HEATR6: variants seen among roughly 807,000 people sequenced by gnomAD.
HEATR6 encodes the protein HEAT repeat-containing protein 6.
A neutral mutation model predicts 132.8 loss-of-function variants in HEATR6; 106 were observed. The ratio of observed to expected loss-of-function variants is 0.80; its 90% CI spans 0.68 to 0.94. The LOEUF (loss-of-function observed/expected upper bound fraction) is 0.94, where lower values mean the gene tolerates loss of function less well. Among genes scored for constraint, HEATR6 ranks in the 40% least tolerant of loss-of-function variants. The pLI, the probability that HEATR6 is intolerant of heterozygous loss-of-function variation, is 0.00. For missense variants in HEATR6, 1,339 were observed against 1,425.1 expected, an observed-to-expected ratio of 0.94 and a Z score of 0.97; for synonymous variants, 529 against 537.8, an observed-to-expected ratio of 0.98 and a Z score of 0.23.
At chr17:60,074,016 G>A in intron 2 of HEATR6, 130 bp from the exon 3 acceptor site, 2 of 1,415,022 alleles carry the variant, frequency 1.4e-6, no homozygotes, top group South Asian at 1.7e-5. Context: ...TGTGTCAAAA[G>A]GATCACCTCT....
intron 2 of HEATR6, among the ~76,000 whole-genome samples, chr17:60,075,170 C>T (rs1389154040): frequency 6.6e-6 from 1 of 152,204 alleles, no homozygotes; most frequent in Non-Finnish European, 1.5e-5. Context: ...TAATTAGCTT[C>T]TGCTGAACAG....
chr17:60,051,467 G>C (rs992729415), intron 14 of HEATR6, among the ~76,000 whole-genome samples: 1 of 152,212 alleles, frequency 6.6e-6, no homozygotes, highest in African/African-American at 2.4e-5. Flanking sequence ...CAAATCAGTT[G>C]ACAGTCGGCT....
At chr17:60,075,116 G>A (rs987385158) in intron 2 of HEATR6, among the ~76,000 whole-genome samples, 1 of 152,296 alleles carries the variant, frequency 6.6e-6, no homozygotes, top group East Asian at 1.9e-4. Flanking sequence ...CATGGGACAC[G>A]TTTCCTTACT....
intron 18 of HEATR6, 29 bp from the exon 19 acceptor site, chr17:60,046,258 C>G (rs1906363848): frequency 6.5e-7 from 1 of 1,546,268 alleles, no homozygotes; most frequent in Admixed American, 1.9e-5. Context: ...CTTTAGAAAT[C>G]TGTTTGGCCA....
In HEATR6 at chr17:60,070,758, C is replaced by T; in HGVS notation, c.749G>A (p.Arg250Lys). The T allele has an allele frequency of 6.2e-7, 1 of 1,610,932 alleles. No individual in the cohort carries two copies. Among genetic ancestry groups the T allele is most frequent in the Non-Finnish European group, 8.5e-7 (1 of 1,177,192 alleles). ...KGIQSLLNGG[R>K]MKLTQTDELG... ...TTCATCAGTCTGTGTTAGTTTCATTCTCCCACCATTTAGAAGTGACTGTAT... is the reference window on the plus strand; with the variant it reads ...TTCATCAGTCTGTGTTAGTTTCATTTTCCCACCATTTAGAAGTGACTGTAT... The change falls in exon 6 of 20, where the codon AGA becomes AAA. Residue 250 changes from arginine (R) to lysine (K), a missense_variant. Coordinates refer to ENST00000184956, the MANE Select transcript of HEATR6 (RefSeq NM_022070.5).
rs1245647404 is a variant in HEATR6 at position 60,044,013 on chromosome 17, C to G, written c.3096G>C (p.Gln1032His). ...GAGCATACTGGTCAACAGACCCGTA[C>G]TGCTCTCTCTTCCCCGGGACGGAAA... ...AALSVPGKREQYGSVDQYARI... is the reference protein window; with the variant it reads ...AALSVPGKREHYGSVDQYARI... Residue 1032 changes from glutamine (Q) to histidine (H), a missense_variant, in exon 20 of 20, where the codon CAG becomes CAC. By Grantham distance (24) the Gln-to-His change is conservative (BLOSUM62 0). Transcript: ENST00000184956. 6.2e-7 allele frequency: 1 copy of G among 1,614,158 alleles called. No homozygotes were observed. The highest frequency in any genetic ancestry group is 8.5e-7 in the Non-Finnish European group (1 of 1,180,024).
intron 1 of HEATR6, among the ~76,000 whole-genome samples, chr17:60,077,999 AC>A (rs2083304753): frequency 6.6e-6 from 1 of 152,176 alleles, no homozygotes; most frequent in Non-Finnish European, 1.5e-5. Context: ...GGTGGGATGG[AC>A]TGGGGACGGG....
chr17:60,078,294 C>T (rs2083306508), intron 1 of HEATR6, among the ~76,000 whole-genome samples: 1 of 152,150 alleles, frequency 6.6e-6, no homozygotes, highest in African/African-American at 2.4e-5. Flanking sequence ...CATTAGCAAA[C>T]AAGCCCTAAT....
At chr17:60,078,269 G>A (rs769140802) in intron 1 of HEATR6, among the ~76,000 whole-genome samples, 1 of 152,128 alleles carries the variant, frequency 6.6e-6, no homozygotes, top group Non-Finnish European at 1.5e-5. Context: ...GTATTTTTAC[G>A]AGCTTCAGTA....
intron 11 of HEATR6, 72 bp from the exon 12 acceptor site, chr17:60,057,475 G>T: frequency 9.6e-7 from 1 of 1,045,960 alleles, no homozygotes; most frequent in Non-Finnish European, 1.4e-6. Context: ...ATCCCAGCAG[G>T]CAATTAAAAA....
At chr17:60,074,227 A>G (rs1478320961) in intron 2 of HEATR6, 1 of 582,234 alleles carries the variant, frequency 1.7e-6, no homozygotes, top group Admixed American at 5.7e-5. Context: ...TACATAATAA[A>G]CACTCAATGA....
In HEATR6 at chr17:60,041,223, T is replaced by C. The variant is rs748457136; in HGVS notation, c.*2340A>G. On this transcript the variant is annotated 3_prime_UTR_variant, in exon 20 of 20. Transcript: ENST00000184956. ...AGTTTCTAGAGGTGCTATGCCTTCA[T>C]TGTTTTCCTGCACATGAACATTAAC... Among the ~76,000 whole-genome samples the C allele has an allele frequency of 6.6e-6, 1 of 152,238 alleles. No homozygotes were observed. The highest frequency in any genetic ancestry group is 1.5e-5 in the Non-Finnish European group (1 of 68,046).
chr17:60,044,107 T>C lies in HEATR6; in HGVS notation c.3002A>G (p.Tyr1001Cys). The change falls in exon 20 of 20, where the codon TAC becomes TGC. Residue 1001 changes from tyrosine to cysteine, a missense_variant. Physicochemically the swap from Tyr to Cys is radical, Grantham distance 194. Transcript: ENST00000184956. Reference sequence around the variant, plus strand: ...TGTCACGACCGATGTCAGGGCATTGTAGGCCTGGGAGGTCCATGGGGCTGT... The same window carrying C: ...TGTCACGACCGATGTCAGGGCATTGCAGGCCTGGGAGGTCCATGGGGCTGT... ...LGTAPWTSQAYNALTSVVTSC... is the reference protein window; with the variant it reads ...LGTAPWTSQACNALTSVVTSC... The C allele has an allele frequency of 6.2e-7, 1 of 1,612,658 alleles. No individual in the cohort carries two copies. The highest frequency in any genetic ancestry group is 8.5e-7 in the Non-Finnish European group (1 of 1,179,216).
Position 60,059,523 on chromosome 17 carries a change from T to A in HEATR6, c.1624-2A>T. On this transcript the variant is annotated splice_acceptor_variant, in intron 10 of 19. Transcript: ENST00000184956. LOFTEE classifies it high-confidence loss of function. Reference sequence around the variant, plus strand: ...ATTTGATACTAAATTTGCAAGGCACTGTAAAACACAAAAAGTAGCTCATCA... The same window carrying A: ...ATTTGATACTAAATTTGCAAGGCACAGTAAAACACAAAAAGTAGCTCATCA... 1 of 1,601,164 alleles carries A rather than the reference T, an allele frequency of 6.2e-7. No homozygotes were observed. Among genetic ancestry groups the A allele is most frequent in the Non-Finnish European group, 8.5e-7 (1 of 1,171,108 alleles).
In HEATR6 at chr17:60,043,570, T is replaced by C. The variant is rs147940060; in HGVS notation, c.3539A>G (p.Asn1180Ser). The change falls in exon 20 of 20, where the codon AAT becomes AGT. Residue 1180 changes from asparagine (N) to serine (S), a missense_variant. Physicochemically the swap from Asn to Ser is conservative, Grantham distance 46 (BLOSUM62 1). Coordinates refer to ENST00000184956, the MANE Select transcript of HEATR6 (RefSeq NM_022070.5). Reference protein sequence around the residue: ...GSQGALPGLTNQ With the variant: ...GSQGALPGLTSQ ...GAAAGTATGGTGGGATCTTCACTGA[T>C]TTGTTAACCCTGGGAGTGCCCCTTG... 1.1e-5 allele frequency: 18 copies of C among 1,607,862 alleles called. No homozygotes were observed. The highest frequency in any genetic ancestry group is 2.2e-5 in the East Asian group (1 of 44,728).
rs181089053 is a variant in HEATR6, at chr17:60,069,783, C to T, written c.867G>A (p.Pro289=). The change falls in exon 7 of 20, where the codon CCG becomes CCA. Residue 289 remains proline (P), a synonymous_variant. Transcript: ENST00000184956. ...IEMPTVLYPT[P]LPQYDGRTPI... Reference sequence around the variant, plus strand: ...GTGTTCGCCCATCATACTGAGGAAGCGGAGTTGGGTATAACACCGTGGGCA... The same window carrying T: ...GTGTTCGCCCATCATACTGAGGAAGTGGAGTTGGGTATAACACCGTGGGCA... 16 of 1,613,880 alleles carry T rather than the reference C, an allele frequency of 9.9e-6. No homozygotes were observed. The highest frequency in any genetic ancestry group is 1.3e-5 in the African/African-American group (1 of 74,960).
intron 1 of HEATR6, 31 bp downstream of exon 1, chr17:60,078,665 G>A (rs1337920129): frequency 2.0e-6 from 3 of 1,513,814 alleles, no homozygotes; most frequent in South Asian, 1.2e-5. Context: ...GGGTGGGGCC[G>A]GGGCCGGGGC....
chr17:60,063,519 T>C (rs1280219462), intron 9 of HEATR6: 2 of 152,232 alleles, frequency 1.3e-5, no homozygotes, highest in African/African-American at 2.4e-5. Context: ...GGAAATGTGA[T>C]CATTTCCCAA....
chr17:60,045,878 A>C, intron 19 of HEATR6, 147 bp downstream of exon 19: 1 of 601,778 alleles, frequency 1.7e-6, no homozygotes, highest in Non-Finnish European at 3.0e-6. Context: ...GATGTATTTC[A>C]ATGTCCCCCT....
Sources: allele counts gnomAD v4.1 joint callset (sites outside exome capture counted in the v4.1 genomes callset), GRCh38; gene constraint gnomAD v4.1.1; transcripts MANE v1.5; gene names NCBI Gene and HGNC (gene_info 2026-07-23, HGNC 2026-07-21).